The following DNAJC1 variants were observed in gnomAD, a reference collection of about 807,000 sequenced individuals.
DNAJC1 encodes the protein dnaJ homolog subfamily C member 1.
In DNAJC1, 58 loss-of-function variants were observed where a neutral mutation model predicts 76.6. The observed-to-expected ratio is 0.76, with a 90% confidence interval of 0.61 to 0.94. DNAJC1 has a LOEUF of 0.94. Ranked by LOEUF, DNAJC1 falls within the 40% of genes least tolerant of loss-of-function variation. The pLI, the probability that DNAJC1 is intolerant of heterozygous loss-of-function variation, is 0.00. For synonymous variants in DNAJC1, 258 were observed against 267.9 expected, an observed-to-expected ratio of 0.96 and a Z score of 0.36; for missense variants, 689 against 677.3, an observed-to-expected ratio of 1.02 and a Z score of -0.19.
intron 1 of DNAJC1, among the ~76,000 whole-genome samples, chr10:21,964,708 GTTTT>G: frequency 7.5e-6 from 1 of 133,962 alleles, no homozygotes; most frequent in South Asian, 2.4e-4. Context: ...AAGTCTGTTG[GTTTT>G]TTTTTTTTTT....
chr10:21,839,156 C>A (rs947612002), intron 8 of DNAJC1, among the ~76,000 whole-genome samples: 20 of 152,160 alleles, frequency 1.3e-4, no homozygotes, highest in Non-Finnish European at 2.6e-4. Flanking sequence ...CAGGAAAGAT[C>A]TAAAATTGAC....
intron 3 of DNAJC1, among the ~76,000 whole-genome samples, chr10:21,925,199 A>G (rs1837108513): frequency 6.6e-6 from 1 of 151,956 alleles, no homozygotes. Context: ...TTTTGTAGAG[A>G]TAGGGTCTAG....
chr10:21,959,251 A>G (rs886733869), intron 1 of DNAJC1, among the ~76,000 whole-genome samples: 3 of 151,766 alleles, frequency 2.0e-5, no homozygotes. Flanking sequence ...TAGCCTCCTG[A>G]GTAGCTGGGA....
chr10:21,793,121 C>T (rs1404785539), intron 9 of DNAJC1, among the ~76,000 whole-genome samples: 8 of 152,040 alleles, frequency 5.3e-5, no homozygotes, highest in African/African-American at 1.7e-4. Context: ...GTCTGGCCAA[C>T]GTGGTGAAAC....
At chr10:21,767,832 T>A (rs762662716) in intron 9 of DNAJC1, among the ~76,000 whole-genome samples, 6 of 152,058 alleles carry the variant, frequency 3.9e-5, no homozygotes, top group Non-Finnish European at 7.4e-5. Context: ...CTGTCTCTAC[T>A]AAAAATACAA....
intron 1 of DNAJC1, among the ~76,000 whole-genome samples, chr10:21,972,596 TTAATC>T (rs1248625832): frequency 1.3e-5 from 2 of 152,026 alleles, no homozygotes; most frequent in Admixed American, 6.5e-5. Flanking sequence ...ACAAGTTAAA[TTAATC>T]TAATACTTTT....
chr10:21,928,227 G>C (rs1837161306), intron 3 of DNAJC1, among the ~76,000 whole-genome samples: 1 of 152,110 alleles, frequency 6.6e-6, no homozygotes, highest in Non-Finnish European at 1.5e-5. Context: ...GTATCTCCCA[G>C]GGCATAAACA....
intron 3 of DNAJC1, among the ~76,000 whole-genome samples, chr10:21,928,151 C>G (rs1325082443): frequency 6.6e-6 from 1 of 152,054 alleles, no homozygotes; most frequent in African/African-American, 2.4e-5. Context: ...AAGCATCAGG[C>G]ACAGATAGGA....
chr10:21,955,814 T>C (rs1046226412), intron 1 of DNAJC1, among the ~76,000 whole-genome samples: 2 of 152,198 alleles, frequency 1.3e-5, no homozygotes, highest in Admixed American at 1.3e-4. Flanking sequence ...TTTTCACATA[T>C]TGTGTTATGT....
chr10:21,774,663 G>C (rs1042331711), intron 9 of DNAJC1, among the ~76,000 whole-genome samples: 1 of 152,076 alleles, frequency 6.6e-6, no homozygotes, highest in Non-Finnish European at 1.5e-5. Context: ...TTTTTTAGTA[G>C]AGACAGGGTT....
intron 9 of DNAJC1, 123 bp downstream of exon 9, chr10:21,805,857 G>A: frequency 1.6e-6 from 2 of 1,258,400 alleles, no homozygotes; most frequent in Non-Finnish European, 2.2e-6. Context: ...TCACTTTCAG[G>A]TCCTAAAAGG....
chr10:21,886,352 C>G (rs1032157588), intron 7 of DNAJC1, among the ~76,000 whole-genome samples: 1 of 152,004 alleles, frequency 6.6e-6, no homozygotes, highest in Non-Finnish European at 1.5e-5. Flanking sequence ...AGGCTCCCAA[C>G]TAAAAAAAGG....
intron 8 of DNAJC1, among the ~76,000 whole-genome samples, chr10:21,856,705 C>T (rs1334593543): frequency 2.0e-5 from 3 of 151,994 alleles, no homozygotes; most frequent in African/African-American, 4.8e-5. Flanking sequence ...GAAAACTACC[C>T]TTTAAAAAAA....
At chr10:21,785,756 C>A (rs1196396137) in intron 9 of DNAJC1, among the ~76,000 whole-genome samples, 1 of 151,724 alleles carries the variant, frequency 6.6e-6, no homozygotes, top group African/African-American at 2.4e-5. Context: ...GAGGGTTAAT[C>A]TGGAAGAGAG....
intron 1 of DNAJC1, among the ~76,000 whole-genome samples, chr10:21,954,710 C>G (rs564129062): frequency 1.9e-4 from 29 of 152,214 alleles, no homozygotes; most frequent in Non-Finnish European, 2.9e-4. Context: ...AAAACAATAG[C>G]AGCCAACATT....
At chr10:21,944,607 A>C (rs1180353058) in intron 1 of DNAJC1, among the ~76,000 whole-genome samples, 1 of 152,182 alleles carries the variant, frequency 6.6e-6, no homozygotes, top group African/African-American at 2.4e-5. Flanking sequence ...TAGGATAATC[A>C]CAGGGGAGAG....
At chr10:21,842,316 A>T (rs536131408) in intron 8 of DNAJC1, among the ~76,000 whole-genome samples, 2 of 152,086 alleles carry the variant, frequency 1.3e-5, no homozygotes, top group South Asian at 4.1e-4. Context: ...AATAGCGAAG[A>T]AAGTATTAGC....
chr10:21,788,168 A>C (rs937951444), intron 9 of DNAJC1, among the ~76,000 whole-genome samples: 5 of 152,194 alleles, frequency 3.3e-5, no homozygotes, highest in Non-Finnish European at 7.3e-5. Flanking sequence ...GGGTGCTTTG[A>C]CAGAACAGCT....
chr10:21,913,299 A>G (rs975518586), intron 6 of DNAJC1, among the ~76,000 whole-genome samples: 53 of 152,212 alleles, frequency 3.5e-4, no homozygotes, highest in African/African-American at 1.2e-3. Context: ...TTGAATGGTG[A>G]ATTCCTAGAA....
Sources: gnomAD v4.1 joint callset for allele counts (sites outside exome capture counted in the v4.1 genomes callset) on GRCh38, gnomAD v4.1.1 for gene constraint, MANE v1.5 for transcripts, NCBI Gene and HGNC (gene_info 2026-07-23, HGNC 2026-07-21) for gene names.